GNG12: variants seen among roughly 807,000 people sequenced by gnomAD.
The protein encoded by GNG12 is G protein subunit gamma 12.
For synonymous variants in GNG12, 28 were observed against 29.7 expected (o/e 0.94, Z 0.19); for missense variants, 69 against 83.8 (o/e 0.82, Z 0.69).
intron 2 of GNG12, among the ~76,000 whole-genome samples, chr1:67,718,638 A>G (rs770226719): frequency 1.5e-4 from 21 of 137,764 alleles, no homozygotes; most frequent in Non-Finnish European, 2.7e-4. Flanking sequence ...CTTCTATTTT[A>G]CCTGAGTCTT....
intron 2 of GNG12, among the ~76,000 whole-genome samples, chr1:67,771,445 C>G (rs1646674027): frequency 6.6e-6 from 1 of 152,226 alleles, no homozygotes; most frequent in African/African-American, 2.4e-5. Flanking sequence ...AGCCTGACAT[C>G]TATCTGTGAG....
chr1:67,808,369 G>C (rs920575410), intron 1 of GNG12, among the ~76,000 whole-genome samples: 1 of 151,998 alleles, frequency 6.6e-6, no homozygotes, highest in Non-Finnish European at 1.5e-5. Context: ...GTAACTTGGA[G>C]CTTTCCTGCT....
intron 2 of GNG12, among the ~76,000 whole-genome samples, chr1:67,773,575 T>A (rs1432342701): frequency 6.6e-6 from 1 of 152,036 alleles, no homozygotes. Flanking sequence ...CCTAGAACCA[T>A]GGGGCTCAAA....
At chr1:67,749,305 A>G (rs763684109) in intron 2 of GNG12, among the ~76,000 whole-genome samples, 3 of 152,146 alleles carry the variant, frequency 2.0e-5, no homozygotes, top group Non-Finnish European at 4.4e-5. Context: ...GGAACTTTAC[A>G]TTAGGGTAAA....
chr1:67,802,649 G>A (rs1276315), intron 1 of GNG12, among the ~76,000 whole-genome samples: 39,217 of 152,138 alleles, frequency 0.26, 5,683 homozygotes, highest in Admixed American at 0.34. Flanking sequence ...TCCCGAGGCA[G>A]TAGTGTCCCA....
Position 67,823,435 on chromosome 1 carries a change from C to T in GNG12, c.-77+9909G>A, listed in dbSNP as rs139174990. On this transcript the variant is annotated intron_variant, in intron 1 of 3. Transcript: ENST00000370982. ...ATTTTGCACTGACAATTTGGCAGCC[C>T]ACTCTACCCTTAGGCCCAAAAGAGC... is the stretch of plus-strand genomic sequence containing the variant. Among the ~76,000 whole-genome samples the T allele has an allele frequency of 1.1e-3, 167 of 152,280 alleles. 4 individuals carry two copies. In the East Asian group the frequency reaches 0.027, roughly 25 times the overall value.
intron 1 of GNG12, among the ~76,000 whole-genome samples, chr1:67,815,721 G>C (rs889840617): frequency 6.6e-6 from 1 of 152,144 alleles, no homozygotes; most frequent in Non-Finnish European, 1.5e-5. Context: ...ATGTGCTGCG[G>C]GGAGGGGCTC....
intron 1 of GNG12, among the ~76,000 whole-genome samples, chr1:67,779,128 G>C (rs1646722958): frequency 6.6e-6 from 1 of 152,148 alleles, no homozygotes; most frequent in South Asian, 2.1e-4. Flanking sequence ...TTCTCAAATG[G>C]GTCTTTTAGA....
chr1:67,776,727 T>C (rs1041391308), intron 2 of GNG12, among the ~76,000 whole-genome samples: 2 of 152,150 alleles, frequency 1.3e-5, no homozygotes, highest in African/African-American at 2.4e-5. Context: ...TAGCTGAGCC[T>C]AGCCCAAATC....
chr1:67,833,438 T>C lies in GNG12; in HGVS notation c.-171A>G. On this transcript the variant is annotated 5_prime_UTR_variant, in exon 1 of 4. Coordinates refer to ENST00000370982, the MANE Select transcript of GNG12 (RefSeq NM_018841.6). ...CGACCTCTCCTCCTCCTCCTCCTCT[T>C]GCTCCTCCGGGCGCCGGCTCCGCCT... 1.0e-6 allele frequency: 1 copy of C among 985,036 alleles called. No individual in the cohort carries two copies. Among genetic ancestry groups the C allele is most frequent in the Non-Finnish European group, 1.2e-6 (1 of 830,030 alleles). 61.0% of individuals were successfully genotyped at this position (985,036 alleles called of 1,614,324 possible). A position where few individuals can be genotyped will look rare whatever the true frequency, so the allele number is the denominator to read the frequency against.
At chr1:67,807,807 G>A (rs1646901820) in intron 1 of GNG12, among the ~76,000 whole-genome samples, 1 of 152,046 alleles carries the variant, frequency 6.6e-6, no homozygotes, top group Non-Finnish European at 1.5e-5. Flanking sequence ...TAATGAAATT[G>A]AATCAATAAT....
At chr1:67,769,216 A>G (rs1332717692) in intron 2 of GNG12, among the ~76,000 whole-genome samples, 1 of 152,096 alleles carries the variant, frequency 6.6e-6, no homozygotes, top group Non-Finnish European at 1.5e-5. Context: ...CTCATTTGAG[A>G]CGCTGGCTTC....
chr1:67,752,160 G>C (rs1390289359), intron 2 of GNG12, among the ~76,000 whole-genome samples: 1 of 152,144 alleles, frequency 6.6e-6, no homozygotes, highest in Non-Finnish European at 1.5e-5. Flanking sequence ...TCTTTGATCA[G>C]CTCTTACAGG....
intron 1 of GNG12, among the ~76,000 whole-genome samples, chr1:67,826,256 TA>T (rs1164740726): frequency 1.3e-5 from 2 of 152,260 alleles, no homozygotes; most frequent in Non-Finnish European, 2.9e-5. Flanking sequence ...TCCTTCCATG[TA>T]CACCTAGACT....
At position 67,758,799 on chromosome 1, in the gene GNG12, C is replaced by G. The variant is rs17130244; in HGVS notation, c.-27+18659G>C. ...GCTCCAATGGAGGAATACCTTATTA[C>G]CAACAAAAAGTTAGGAGTGATGTAT... On this transcript the variant is annotated intron_variant, in intron 2 of 3. Transcript: ENST00000370982. 7.3e-3 allele frequency among the ~76,000 whole-genome samples: 1,112 copies of G among 152,068 alleles called. 13 individuals are homozygous for G. Among genetic ancestry groups the G allele is most frequent in the African/African-American group, 0.026 (1,059 of 41,464 alleles).
chr1:67,825,856 T>C (rs2100828178), intron 1 of GNG12, among the ~76,000 whole-genome samples: 1 of 152,340 alleles, frequency 6.6e-6, no homozygotes, highest in African/African-American at 2.4e-5. Flanking sequence ...ATACTGAGCA[T>C]GCTGGTGTTT....
At chr1:67,778,115 T>C (rs1199087464) in intron 1 of GNG12, among the ~76,000 whole-genome samples, 3 of 149,374 alleles carry the variant, frequency 2.0e-5, no homozygotes, top group Non-Finnish European at 4.4e-5. Context: ...ATTATAACTA[T>C]ACATAATTAT....
chr1:67,788,506 G>C (rs1291282462), intron 1 of GNG12, among the ~76,000 whole-genome samples: 1 of 150,606 alleles, frequency 6.6e-6, no homozygotes, highest in African/African-American at 2.4e-5. Flanking sequence ...GCTAGTTTTT[G>C]TATTTTTTTT....
At chr1:67,771,308 T>C (rs1053329656) in intron 2 of GNG12, among the ~76,000 whole-genome samples, 1 of 152,202 alleles carries the variant, frequency 6.6e-6, no homozygotes, top group Non-Finnish European at 1.5e-5. Context: ...CCTCATTCAG[T>C]CCCTCTAACA....
Sources: allele counts gnomAD v4.1 joint callset (sites outside exome capture counted in the v4.1 genomes callset), GRCh38; gene constraint gnomAD v4.1.1; transcripts MANE v1.5; gene names NCBI Gene and HGNC (gene_info 2026-07-23, HGNC 2026-07-21).